LMX1A: variants seen among roughly 807,000 people sequenced by gnomAD.
LMX1A encodes the protein LIM homeobox transcription factor 1-alpha.
LMX1A carries 15 observed loss-of-function variants against 49.1 expected under a neutral mutation model. The observed-to-expected ratio is 0.31, with a 90% confidence interval of 0.20 to 0.47. The LOEUF (loss-of-function observed/expected upper bound fraction) is 0.47. Among genes scored for constraint, LMX1A ranks in the 20% least tolerant of loss-of-function variants. LMX1A has a pLI of 1.00. For missense variants in LMX1A, 372 were observed against 475.8 expected (o/e 0.78, Z 2.03); for synonymous variants, 167 against 185.7 (o/e 0.90, Z 0.82).
intron 4 of LMX1A, among the ~76,000 whole-genome samples, chr1:165,221,197 G>A (rs1403629389): frequency 2.0e-5 from 3 of 152,058 alleles, no homozygotes; most frequent in Non-Finnish European, 4.4e-5. Context: ...AGGATATGTG[G>A]TGCTTGCAAA....
intron 4 of LMX1A, among the ~76,000 whole-genome samples, chr1:165,247,139 TA>T (rs1652888153): frequency 6.8e-6 from 1 of 146,902 alleles, no homozygotes. Context: ...TCTAGTGAAG[TA>T]AAATCTGTAA....
chr1:165,322,268 G>A (rs531079547), intron 3 of LMX1A, among the ~76,000 whole-genome samples: 1 of 152,244 alleles, frequency 6.6e-6, no homozygotes, highest in Admixed American at 6.5e-5. Context: ...CAGTTTGACA[G>A]TTCCTCAAAA....
intron 3 of LMX1A, among the ~76,000 whole-genome samples, chr1:165,324,474 T>G (rs562761707): frequency 6.6e-6 from 1 of 152,152 alleles, no homozygotes; most frequent in African/African-American, 2.4e-5. Flanking sequence ...AAATTACTGA[T>G]TGAATACATC....
chr1:165,260,044 G>A (rs1653383668), intron 3 of LMX1A, among the ~76,000 whole-genome samples: 2 of 152,326 alleles, frequency 1.3e-5, no homozygotes, highest in South Asian at 4.1e-4. Context: ...TTGCCACACA[G>A]ATATGCACAA....
At chr1:165,328,423 A>G (rs1029634985) in intron 3 of LMX1A, among the ~76,000 whole-genome samples, 2 of 152,258 alleles carry the variant, frequency 1.3e-5, no homozygotes, top group African/African-American at 4.8e-5. Context: ...GCAGTCTGGA[A>G]GCAGGCTTTC....
At chr1:165,236,861 T>A (rs1001975831) in intron 4 of LMX1A, among the ~76,000 whole-genome samples, 2 of 151,846 alleles carry the variant, frequency 1.3e-5, no homozygotes, top group African/African-American at 4.8e-5. Flanking sequence ...AGTTTTTTTT[T>A]TTTTTTAGTA....
chr1:165,208,247 T>G, intron 6 of LMX1A, 115 bp from the exon 7 acceptor site: 2 of 867,938 alleles, frequency 2.3e-6, no homozygotes, highest in Non-Finnish European at 3.7e-6. Context: ...GGCAAAGCTC[T>G]GGCTCTTACT....
intron 3 of LMX1A, among the ~76,000 whole-genome samples, chr1:165,301,309 C>A (rs183586032): frequency 1.3e-5 from 2 of 152,308 alleles, no homozygotes; most frequent in East Asian, 3.9e-4. Flanking sequence ...GCAGAGCCCC[C>A]CATCGCTGCA....
chr1:165,203,936 C>T lies in LMX1A; in HGVS notation c.1093G>A (p.Val365Met), dbSNP rs751809203. ...TACAGATGGTCAATGGGGTTTCCCA[C>T]TCTGGACTGCAGAGGCCCAGCTTCT... ...TSEAGPLQSR[V>M]GNPIDHLYSM... The change falls in exon 9 of 9, where the codon GTG becomes ATG. Residue 365 changes from valine to methionine, a missense_variant. Physicochemically the swap from Val to Met is conservative, Grantham distance 21 (BLOSUM62 1). This residue lies in a region of LMX1A where 127 missense variants were observed against 138.0 expected (regional missense o/e 0.92). Coordinates refer to ENST00000342310, the MANE Select transcript of LMX1A (RefSeq NM_177398.4). 44 of 1,614,060 alleles carry T rather than the reference C, an allele frequency of 2.7e-5. No individual in the cohort carries two copies. Among genetic ancestry groups the T allele is most frequent in the Non-Finnish European group, 3.4e-5 (40 of 1,180,038 alleles).
At chr1:165,212,574 T>A (rs1197875459) in intron 5 of LMX1A, among the ~76,000 whole-genome samples, 1 of 152,008 alleles carries the variant, frequency 6.6e-6, no homozygotes, top group African/African-American at 2.4e-5. Context: ...GGAAAAATAA[T>A]GCTAACATTT....
chr1:165,334,223 G>T (rs989983908), intron 3 of LMX1A, among the ~76,000 whole-genome samples: 2 of 152,160 alleles, frequency 1.3e-5, no homozygotes, highest in Non-Finnish European at 2.9e-5. Flanking sequence ...GCAGTGAATA[G>T]ATTGCGGGAT....
intron 3 of LMX1A, among the ~76,000 whole-genome samples, chr1:165,331,680 G>A (rs564187659): frequency 6.6e-6 from 1 of 152,330 alleles, no homozygotes; most frequent in South Asian, 2.1e-4. Flanking sequence ...ATTTTGGGAG[G>A]CCAAGGTGGG....
At chr1:165,270,134 G>T (rs928566448) in intron 3 of LMX1A, among the ~76,000 whole-genome samples, 2 of 152,144 alleles carry the variant, frequency 1.3e-5, no homozygotes, top group Non-Finnish European at 2.9e-5. Flanking sequence ...TATGCTCCTG[G>T]AGAAAAAGTA....
chr1:165,257,099 C>T (rs1034641727), intron 3 of LMX1A, among the ~76,000 whole-genome samples: 5 of 152,102 alleles, frequency 3.3e-5, no homozygotes, highest in Non-Finnish European at 5.9e-5. Context: ...TTATTGAGTA[C>T]CCACTCAGTG....
At chr1:165,317,736 T>C (rs1457924030) in intron 3 of LMX1A, among the ~76,000 whole-genome samples, 2 of 152,234 alleles carry the variant, frequency 1.3e-5, no homozygotes, top group Non-Finnish European at 1.5e-5. Flanking sequence ...CCAGCTGAAA[T>C]GGGTTCTGGT....
At chr1:165,260,606 A>G (rs528261489) in intron 3 of LMX1A, among the ~76,000 whole-genome samples, 1 of 152,346 alleles carries the variant, frequency 6.6e-6, no homozygotes, top group South Asian at 2.1e-4. Flanking sequence ...ATTAGGAACT[A>G]AATTTATTCT....
chr1:165,316,407 A>C (rs1369668717), intron 3 of LMX1A, among the ~76,000 whole-genome samples: 1 of 152,192 alleles, frequency 6.6e-6, no homozygotes, highest in East Asian at 1.9e-4. Flanking sequence ...TGGAACCAGC[A>C]CCACGGTCAC....
intron 4 of LMX1A, among the ~76,000 whole-genome samples, chr1:165,224,226 T>C (rs1237195519): frequency 6.6e-6 from 1 of 152,206 alleles, no homozygotes; most frequent in Non-Finnish European, 1.5e-5. Context: ...TGATTGCAAG[T>C]TTCCTGAGGC....
chr1:165,333,934 T>G (rs1655825691), intron 3 of LMX1A, among the ~76,000 whole-genome samples: 1 of 152,208 alleles, frequency 6.6e-6, no homozygotes, highest in Non-Finnish European at 1.5e-5. Flanking sequence ...TTCTACAGAT[T>G]TGAAGCACCT....
Sources: gnomAD v4.1 joint callset for allele counts (sites outside exome capture counted in the v4.1 genomes callset) on GRCh38, gnomAD v4.1.1 for gene constraint, gnomAD v4.1.1 regional missense constraint, MANE v1.5 for transcripts, NCBI Gene and HGNC (gene_info 2026-07-23, HGNC 2026-07-21) for gene names.